LMLN: variants seen among roughly 807,000 people sequenced by gnomAD.
LMLN encodes the protein leishmanolysin-like peptidase.
In LMLN, 70 loss-of-function variants were observed where a neutral mutation model predicts 92.3. The observed-to-expected ratio is 0.76, with a 90% CI of 0.63 to 0.92. LMLN has a LOEUF of 0.92. Ranked by LOEUF, LMLN falls within the 40% of genes least tolerant of loss-of-function variation. The pLI is 0.00. For missense variants in LMLN, 691 were observed against 814.6 expected (o/e 0.85, Z 1.85); for synonymous variants, 308 against 296.2 (o/e 1.04, Z -0.41).
At chr3:197,979,867 A>G (rs1191813137) in intron 5 of LMLN, among the ~76,000 whole-genome samples, 1 of 152,168 alleles carries the variant, frequency 6.6e-6, no homozygotes, top group East Asian at 1.9e-4. Context: ...TATTGTTTGA[A>G]TTTTTAACAA....
intron 11 of LMLN, among the ~76,000 whole-genome samples, chr3:198,016,194 CAAA>C (rs202075630): frequency 4.8e-5 from 4 of 83,860 alleles, no homozygotes; most frequent in Non-Finnish European, 4.8e-5. Context: ...GTTGCAAAAA[CAAA>C]AAAAAAAAAA....
chr3:197,971,392 T>C (rs1023467960), intron 1 of LMLN, among the ~76,000 whole-genome samples: 3 of 152,188 alleles, frequency 2.0e-5, no homozygotes, highest in African/African-American at 7.2e-5. Context: ...CTCACTATCA[T>C]GAGAACAGCA....
chr3:198,040,034 C>T (rs1022280308), exon 16 of LMLN: 6 of 152,164 alleles, frequency 3.9e-5, no homozygotes, highest in Non-Finnish European at 8.8e-5. Context: ...ACAACTATTC[C>T]TTTGTGACCG....
intron 11 of LMLN, among the ~76,000 whole-genome samples, chr3:198,014,126 T>C (rs1722542329): frequency 6.8e-6 from 1 of 147,338 alleles, no homozygotes; most frequent in African/African-American, 2.6e-5. Context: ...CTGACTTCTC[T>C]GTACCCTTCA....
intron 6 of LMLN, among the ~76,000 whole-genome samples, chr3:197,980,993 C>T (rs913319355): frequency 3.3e-5 from 5 of 152,108 alleles, no homozygotes; most frequent in Admixed American, 2.0e-4. Context: ...GTCCCAGCTA[C>T]TCAGGGGGCT....
intron 10 of LMLN, among the ~76,000 whole-genome samples, chr3:197,998,607 C>T (rs980635560): frequency 5.3e-5 from 8 of 152,046 alleles, no homozygotes; most frequent in Admixed American, 3.3e-4. Context: ...CTTGAGATGG[C>T]CATCTGGTGT....
rs746194949 is a variant in LMLN at position 198,024,656 on chromosome 3, A to G, written c.1526-2A>G. 6.4e-7 allele frequency: 1 copy of G among 1,563,246 alleles called. No homozygotes were observed. The highest frequency in any genetic ancestry group is 8.6e-7 in the Non-Finnish European group (1 of 1,160,268). On this transcript the variant is annotated splice_acceptor_variant, in intron 13 of 15. Coordinates refer to ENST00000330198, the Ensembl canonical transcript of LMLN. LOFTEE classifies it high-confidence loss of function. ...TAAGGAGACTTTTCTTCTTTGCCTC[A>G]GAAATTTTTAAGAACTATGGCGCTG...
intron 8 of LMLN, among the ~76,000 whole-genome samples, chr3:197,987,647 G>C (rs1231378517): frequency 6.6e-6 from 1 of 152,168 alleles, no homozygotes; most frequent in Non-Finnish European, 1.5e-5. Context: ...AGATAAATGT[G>C]TTACTTTTGT....
chr3:197,967,032 GGAGTC>G (rs1422251454), intron 1 of LMLN, among the ~76,000 whole-genome samples: 2 of 152,172 alleles, frequency 1.3e-5, no homozygotes, highest in African/African-American at 4.8e-5. Context: ...CTGGGCCCAA[GGAGTC>G]TTCCTACCTT....
intron 11 of LMLN, among the ~76,000 whole-genome samples, chr3:198,008,980 C>T (rs940651365): frequency 3.3e-5 from 5 of 151,964 alleles, no homozygotes; most frequent in Admixed American, 2.6e-4. Context: ...TAGTTTAATT[C>T]CATTGTTGCA....
At chr3:198,009,766 G>GT (rs1722383983) in intron 11 of LMLN, among the ~76,000 whole-genome samples, 1 of 152,092 alleles carries the variant, frequency 6.6e-6, no homozygotes, top group Non-Finnish European at 1.5e-5. Flanking sequence ...TGTGTATAGG[G>GT]TTTTTTGTAG....
At chr3:197,966,982 T>C (rs1721077433) in intron 1 of LMLN, among the ~76,000 whole-genome samples, 1 of 152,038 alleles carries the variant, frequency 6.6e-6, no homozygotes, top group African/African-American at 2.4e-5. Context: ...GTTTAGTGGA[T>C]ATGGGCTCTT....
chr3:197,980,291 C>G (rs1201539467), intron 5 of LMLN, 35 bp from the exon 6 acceptor site: 2 of 1,583,352 alleles, frequency 1.3e-6, no homozygotes, highest in African/African-American at 2.7e-5. Flanking sequence ...AACTTTGTCT[C>G]TGTTCTGGCT....
At chr3:198,020,780 T>G (rs981123015) in intron 12 of LMLN, among the ~76,000 whole-genome samples, 4 of 133,144 alleles carry the variant, frequency 3.0e-5, no homozygotes, top group African/African-American at 1.2e-4. Context: ...TTTTTTTTTT[T>G]TTTTTTTTTT....
At chr3:197,985,175 C>T (rs541497809) in intron 7 of LMLN, among the ~76,000 whole-genome samples, 6 of 152,224 alleles carry the variant, frequency 3.9e-5, no homozygotes, top group East Asian at 1.9e-4. Flanking sequence ...GTCTTGGCCA[C>T]GTATCTCAGT....
exon 14 of LMLN, chr3:198,024,678 G>T: frequency 6.3e-7 from 1 of 1,595,404 alleles, no homozygotes; most frequent in Non-Finnish European, 8.5e-7. Flanking sequence ...GAACTATGGC[G>T]CTGAAAAGTA....
At chr3:198,038,574 T>C in exon 16 of LMLN, 2 of 1,613,182 alleles carry the variant, frequency 1.2e-6, no homozygotes, top group Non-Finnish European at 1.7e-6. Flanking sequence ...TAGATCTTTG[T>C]TCCTGTTCCT....
rs1019105430 is a variant in LMLN, at chr3:198,025,462, C to A, written c.1656+674C>A. ...TCACGGCTCATTATATCCTCTACCT[C>A]CTGGGTTCAAGCGACCTTCCCACCT... On this transcript the variant is annotated intron_variant, in intron 14 of 15. Coordinates refer to ENST00000330198, the Ensembl canonical transcript of LMLN. The surrounding 1 kb of genome is among the most constrained non-coding windows in gnomAD (Gnocchi z 4.3). 2.6e-5 allele frequency among the ~76,000 whole-genome samples: 4 copies of A among 152,054 alleles called. No individual in the cohort carries two copies. The highest frequency in any genetic ancestry group is 9.7e-5 in the African/African-American group (4 of 41,410).
intron 3 of LMLN, 72 bp downstream of exon 3, chr3:197,975,144 A>G: frequency 3.6e-6 from 3 of 831,946 alleles, no homozygotes; most frequent in Non-Finnish European, 4.0e-6. Flanking sequence ...ACTTCAGTAA[A>G]GAAAAATATA....
Sources: gnomAD v4.1 joint callset for allele counts (sites outside exome capture counted in the v4.1 genomes callset) on GRCh38, gnomAD v4.1.1 for gene constraint, Gnocchi (gnomAD v3.1) non-coding constraint, MANE v1.5 for transcripts, NCBI Gene and HGNC (gene_info 2026-07-23, HGNC 2026-07-21) for gene names.